Variants in ABCA8 observed in about 807,000 individuals in gnomAD.
The protein encoded by ABCA8 is ATP binding cassette subfamily A member 8.
ABCA8 carries 177 observed loss-of-function variants against 192.3 expected under a neutral mutation model. The ratio of observed to expected loss-of-function variants is 0.92; its 90% CI spans 0.81 to 1.04. The LOEUF (loss-of-function observed/expected upper bound fraction) is 1.04, where lower values mean the gene tolerates loss of function less well. Ranked by LOEUF, ABCA8 falls within the 50% of genes least tolerant of loss-of-function variation. The pLI, the probability that ABCA8 is intolerant of heterozygous loss-of-function variation, is 0.00. For synonymous variants in ABCA8, 642 were observed against 690.2 expected (o/e 0.93, Z 1.09); for missense variants, 1,915 against 1,904.8 (o/e 1.01, Z -0.10).
In ABCA8 at chr17:68,902,882, A is replaced by T. The variant is rs746372911; in HGVS notation, c.2598-3T>A. The T allele has an allele frequency of 6.2e-7, 1 of 1,604,994 alleles. No homozygotes were observed. Among genetic ancestry groups the T allele is most frequent in the Non-Finnish European group, 8.5e-7 (1 of 1,175,364 alleles). Reference sequence around the variant, plus strand: ...ATCCAGCCATTAGAATTAATAGCCTACACAAAAGAAAATTGCCAAAATGAA... The same window carrying T: ...ATCCAGCCATTAGAATTAATAGCCTTCACAAAAGAAAATTGCCAAAATGAA... On this transcript the variant is annotated splice_region_variant and splice_polypyrimidine_tract_variant and intron_variant, in intron 20 of 39. Transcript: ENST00000586539.
intron 26 of ABCA8, 101 bp downstream of exon 26, chr17:68,886,916 A>G: frequency 1.6e-6 from 1 of 613,392 alleles, no homozygotes; most frequent in Non-Finnish European, 2.6e-6. Flanking sequence ...TGTTTATTAT[A>G]GACCATAATA....
At chr17:68,932,155 A>G in intron 7 of ABCA8, 133 bp downstream of exon 7, 3 of 638,124 alleles carry the variant, frequency 4.7e-6, no homozygotes, top group Non-Finnish European at 7.8e-6. Context: ...GCTTGCAGTG[A>G]GCTGAGATCA....
At chr17:68,894,352 A>G in intron 22 of ABCA8, 42 bp from the exon 23 acceptor site, 2 of 1,532,970 alleles carry the variant, frequency 1.3e-6, no homozygotes, top group Non-Finnish European at 1.8e-6. Context: ...AAATATCTTC[A>G]TTTTGTTCTC....
chr17:68,884,641 A>G (rs2066416943), intron 27 of ABCA8: 1 of 1,198,228 alleles, frequency 8.3e-7, no homozygotes, highest in South Asian at 3.4e-5. Flanking sequence ...GATCCGTGCT[A>G]ACCTCCCCAA....
At position 68,884,400 on chromosome 17, in the gene ABCA8, C is replaced by A; in HGVS notation, c.3550-4G>T. 1 of 1,583,906 alleles carries A rather than the reference C, an allele frequency of 6.3e-7. No individual in the cohort carries two copies. The highest frequency in any genetic ancestry group is 1.2e-5 in the South Asian group (1 of 84,442). On this transcript the variant is annotated splice_region_variant and splice_polypyrimidine_tract_variant and intron_variant, in intron 27 of 39. Transcript: ENST00000586539. ...AAAAGAGAGAAGAAAAGAGAAGCTG[C>A]AAAAGAAAAGACAATTGCTAAACAG...
At chr17:68,931,180 C>T (rs1297922660) in intron 7 of ABCA8, among the ~76,000 whole-genome samples, 2 of 152,140 alleles carry the variant, frequency 1.3e-5, no homozygotes, top group Admixed American at 6.6e-5. Flanking sequence ...ATCTTGTTTA[C>T]GCCTCTCTTG....
At chr17:68,870,190 C>G (rs1340372118) in intron 37 of ABCA8, among the ~76,000 whole-genome samples, 1 of 152,226 alleles carries the variant, frequency 6.6e-6, no homozygotes, top group Non-Finnish European at 1.5e-5. Flanking sequence ...TAACCTGACC[C>G]CTCACTGTAG....
intron 16 of ABCA8, 75 bp from the exon 17 acceptor site, chr17:68,917,526 C>A: frequency 9.7e-7 from 1 of 1,026,634 alleles, no homozygotes; most frequent in South Asian, 1.5e-5. Context: ...GACAGGTAAT[C>A]ATCTATATAA....
intron 24 of ABCA8, among the ~76,000 whole-genome samples, chr17:68,887,736 A>G (rs1567830070): frequency 6.6e-6 from 1 of 151,678 alleles, no homozygotes; most frequent in African/African-American, 2.4e-5. Flanking sequence ...AGAAGACCTT[A>G]GAATGATCAA....
At chr17:68,907,319 C>A (rs2067095264) in intron 18 of ABCA8, among the ~76,000 whole-genome samples, 1 of 151,966 alleles carries the variant, frequency 6.6e-6, no homozygotes, top group South Asian at 2.1e-4. Context: ...GTTCCCTGAA[C>A]AACAAACATA....
intron 5 of ABCA8, among the ~76,000 whole-genome samples, chr17:68,935,624 T>C (rs1013578481): frequency 2.7e-5 from 4 of 148,524 alleles, no homozygotes; most frequent in Admixed American, 6.8e-5. Flanking sequence ...TCTCTATCTT[T>C]GCTTTTGTGA....
At chr17:68,916,541 G>T (rs900109166) in intron 17 of ABCA8, among the ~76,000 whole-genome samples, 2 of 152,092 alleles carry the variant, frequency 1.3e-5, no homozygotes, top group Non-Finnish European at 2.9e-5. Flanking sequence ...AAAGTTAAAA[G>T]ATAGAAGGTT....
At chr17:68,923,551 C>T (rs2067606086) in intron 11 of ABCA8, among the ~76,000 whole-genome samples, 1 of 152,074 alleles carries the variant, frequency 6.6e-6, no homozygotes, top group South Asian at 2.1e-4. Flanking sequence ...ACTCTCATTC[C>T]ACAGCACTTA....
chr17:68,929,811 C>G (rs1818428966), intron 7 of ABCA8, 109 bp from the exon 8 acceptor site: 2 of 1,010,774 alleles, frequency 2.0e-6, no homozygotes, highest in African/African-American at 3.2e-5. Context: ...CATTCATTCT[C>G]TCTTTCAACA....
At chr17:68,889,961 C>T (rs957781440) in intron 24 of ABCA8, among the ~76,000 whole-genome samples, 6 of 152,072 alleles carry the variant, frequency 3.9e-5, no homozygotes, top group Non-Finnish European at 7.4e-5. Flanking sequence ...GCTTGGGGGA[C>T]ACTTGGGTTG....
chr17:68,926,364 G>T (rs140466233), intron 10 of ABCA8, among the ~76,000 whole-genome samples: 1 of 151,988 alleles, frequency 6.6e-6, no homozygotes. Context: ...AAGGAGAAAA[G>T]GAAGAATTAG....
At chr17:68,945,979 A>AT (rs1346700252) in intron 2 of ABCA8, among the ~76,000 whole-genome samples, 2 of 151,796 alleles carry the variant, frequency 1.3e-5, no homozygotes, top group East Asian at 1.9e-4. Context: ...CATCTTATTT[A>AT]TTTTTTTCAA....
At chr17:68,891,628 T>G in intron 23 of ABCA8, 32 bp from the exon 24 acceptor site, 1 of 1,490,044 alleles carries the variant, frequency 6.7e-7, no homozygotes, top group Non-Finnish European at 9.2e-7. Flanking sequence ...ATGAACTGAA[T>G]GAAGAAATTT....
At position 68,894,975 on chromosome 17, in the gene ABCA8, G is replaced by A. The variant is rs151155144; in HGVS notation, c.2803C>T (p.Gln935Ter). 9.3e-6 allele frequency: 15 copies of A among 1,613,226 alleles called. No individual in the cohort carries two copies. The highest frequency in any genetic ancestry group is 1.2e-5 in the Non-Finnish European group (14 of 1,179,688). ...IDDFIQSVEH[Q>*]NIALEVDAFG... The stretch of plus-strand genomic sequence containing the variant: ...GCATCCACTTCTAAAGCTATGTTCT[G>A]GTGCTCCACAGACTGTATAAAGTCA... Residue 935 changes from glutamine (Q) to a stop codon, truncating the protein, a stop_gained, in exon 22 of 40, where the codon CAG (glutamine) becomes TAG (stop). Coordinates refer to ENST00000586539, the MANE Select transcript of ABCA8 (RefSeq NM_001288985.2). LOFTEE classifies it high-confidence loss of function.
Sources: allele counts gnomAD v4.1 joint callset (sites outside exome capture counted in the v4.1 genomes callset), GRCh38; gene constraint gnomAD v4.1.1; transcripts MANE v1.5; gene names NCBI Gene and HGNC (gene_info 2026-07-23, HGNC 2026-07-21).